HEATR4: variants seen among roughly 807,000 people sequenced by gnomAD.
The protein encoded by HEATR4 is HEAT repeat containing 4, also known as HEAT repeat-containing protein 4.
In HEATR4, 95 loss-of-function variants were observed where a neutral mutation model predicts 108.8. The observed-to-expected ratio is 0.87, with a 90% CI of 0.74 to 1.04. HEATR4 has a LOEUF of 1.04. Ranked by LOEUF, HEATR4 falls within the 50% of genes least tolerant of loss-of-function variation. The probability of loss-of-function intolerance (pLI) is 0.00; values close to 1 mark genes in which losing one functional copy is unlikely to be tolerated. For synonymous variants in HEATR4, 443 were observed against 459.4 expected, an observed-to-expected ratio of 0.96 and a Z score of 0.46; for missense variants, 1,152 against 1,253.8, an observed-to-expected ratio of 0.92 and a Z score of 1.23.
At chr14:73,491,909 C>A in intron 17 of HEATR4, 1 of 1,612,932 alleles carries the variant, frequency 6.2e-7, no homozygotes, top group Non-Finnish European at 8.5e-7. Context: ...CTCCCTGCGT[C>A]TCCTCTGTCC....
chr14:73,626,787 G>GC, the HEATR4 span, among the ~76,000 whole-genome samples: 1 of 115,770 alleles, frequency 8.6e-6, no homozygotes, highest in Non-Finnish European at 1.6e-5. Flanking sequence ...CAGACAAACA[G>GC]CCTTTTTTTT....
the HEATR4 span, among the ~76,000 whole-genome samples, chr14:73,588,159 G>A: frequency 2.0e-4 from 30 of 151,974 alleles, no homozygotes; most frequent in East Asian, 3.3e-3. Flanking sequence ...GTACCACCAC[G>A]CCAGCTAATT....
At chr14:73,491,933 A>G (rs1323060088) in intron 17 of HEATR4, 1 of 1,613,558 alleles carries the variant, frequency 6.2e-7, no homozygotes, top group Admixed American at 1.7e-5. Context: ...GGCTTTCTCT[A>G]CTACTGTGTG....
chr14:73,491,398 G>A (rs534669266), intron 17 of HEATR4: 1 of 1,346,102 alleles, frequency 7.4e-7, no homozygotes, highest in Middle Eastern at 2.7e-4. Flanking sequence ...CCGCTTCCGC[G>A]CCGCCCGCGC....
chr14:73,565,891 G>T, the HEATR4 span, among the ~76,000 whole-genome samples: 2 of 152,184 alleles, frequency 1.3e-5, no homozygotes, highest in East Asian at 3.9e-4. Context: ...TGCCACTGCT[G>T]GCTAGGGCAG....
Position 73,502,994 on chromosome 14 carries a change from A to C in HEATR4, c.2006T>G (p.Ile669Ser). The C allele has an allele frequency of 6.2e-7, 1 of 1,613,696 alleles. No individual in the cohort carries two copies. Among genetic ancestry groups the C allele is most frequent in the Non-Finnish European group, 8.5e-7 (1 of 1,179,764 alleles). Residue 669 changes from isoleucine (I) to serine (S), a missense_variant, in exon 11 of 18, where the codon ATC becomes AGC. Ile to Ser is a moderately radical substitution (Grantham distance 142). Coordinates refer to ENST00000553558, the MANE Select transcript of HEATR4 (RefSeq NM_001220484.1). ...ATTCCAGTCATTCCACATCAGCTGGATCAACTTATGTTTCATATCCTATAA... is the reference window on the plus strand; with the variant it reads ...ATTCCAGTCATTCCACATCAGCTGGCTCAACTTATGTTTCATATCCTATAA... ...NVCLDMKHKL[I>S]QLMWNDWNKE...
chr14:73,522,908 C>A lies in HEATR4; in HGVS notation c.245G>T (p.Gly82Val). 1 of 1,614,204 alleles carries A rather than the reference C, an allele frequency of 6.2e-7. No homozygotes were observed. The highest frequency in any genetic ancestry group is 1.6e-4 in the Middle Eastern group (1 of 6,062). ...CTGGCTATAAGGAATGCTGGGCAGGCCTCGCTGCCACACCACCTCCTGAGA... is the reference window on the plus strand; with the variant it reads ...CTGGCTATAAGGAATGCTGGGCAGGACTCGCTGCCACACCACCTCCTGAGA... ...TFSQEVVWQRGLPSIPYSQYS... is the reference protein window; with the variant it reads ...TFSQEVVWQRVLPSIPYSQYS... The change falls in exon 3 of 18, where the codon GGC becomes GTC. Residue 82 changes from glycine to valine, a missense_variant. Coordinates refer to ENST00000553558, the MANE Select transcript of HEATR4 (RefSeq NM_001220484.1).
intron 17 of HEATR4, among the ~76,000 whole-genome samples, chr14:73,487,458 C>T (rs1885495862): frequency 6.6e-6 from 1 of 151,832 alleles, no homozygotes; most frequent in South Asian, 2.1e-4. Flanking sequence ...CCCAGCTACT[C>T]GGGAGGCTGA....
the HEATR4 span, among the ~76,000 whole-genome samples, chr14:73,586,104 AT>A: frequency 3.3e-5 from 5 of 151,872 alleles, no homozygotes; most frequent in Non-Finnish European, 7.4e-5. Flanking sequence ...TTACTTAAAA[AT>A]TTTTTAGGCT....
the HEATR4 span, chr14:73,612,864 T>C: frequency 7.1e-7 from 1 of 1,405,462 alleles, no homozygotes; most frequent in Non-Finnish European, 9.5e-7. Flanking sequence ...AAGCGCGACG[T>C]GCGGACGCCC....
Position 73,492,589 on chromosome 14 carries a change from C to CTTAGT in HEATR4, c.2844+476_2844+477insACTAA. Reference sequence around the variant, plus strand: ...ATAGGGAGAGGGCACTAAGTGTTTACGGGCTTCCAATTCGCTGGGAGGCTG... The same window carrying CTTAGT: ...ATAGGGAGAGGGCACTAAGTGTTTACTTAGTGGGCTTCCAATTCGCTGGGAGGCTG... On this transcript the variant is annotated intron_variant, in intron 17 of 17. Transcript: ENST00000553558. The surrounding 1 kb of genome is among the most constrained non-coding windows in gnomAD (Gnocchi z 4.9). 1 of 1,613,862 alleles carries CTTAGT rather than the reference C, an allele frequency of 6.2e-7. No homozygotes were observed. The highest frequency in any genetic ancestry group is 1.3e-5 in the African/African-American group (1 of 75,016).
Position 73,514,170 on chromosome 14 carries a change from C to T in HEATR4, c.1275G>A (p.Leu425=). The stretch of plus-strand genomic sequence containing the variant: ...GCACATCCTTCTCACCCACCTGCAG[C>T]AGCATATCCTTGGCGGGGGTGGGCA... ...TALPTPAKDM[L]LQVGEKDVPI... is the part of the protein sequence containing the mutation. Residue 425 remains leucine, a synonymous_variant, in exon 6 of 18, where the codon CTG becomes CTA. Transcript: ENST00000553558. 1.2e-6 allele frequency: 2 copies of T among 1,614,210 alleles called. No homozygotes were observed. Among genetic ancestry groups the T allele is most frequent in the Non-Finnish European group, 1.7e-6 (2 of 1,180,038 alleles).
At chr14:73,604,416 C>T in the HEATR4 span, among the ~76,000 whole-genome samples, 12 of 151,852 alleles carry the variant, frequency 7.9e-5, no homozygotes, top group Non-Finnish European at 1.3e-4. Context: ...CCACCCACCT[C>T]GGCCTCTGAA....
chr14:73,522,558 C>T lies in HEATR4; in HGVS notation c.595G>A (p.Ala199Thr). Residue 199 changes from alanine (A) to threonine (T), a missense_variant, in exon 3 of 18, where the codon GCC (alanine) becomes ACC (threonine). By Grantham distance (58) the Ala-to-Thr change is moderately conservative (BLOSUM62 0). Coordinates refer to ENST00000553558, the MANE Select transcript of HEATR4 (RefSeq NM_001220484.1). Reference sequence around the variant, plus strand: ...AGCACAGTGGCCTCCCACGCTCTGGCCTCCTTCTCAGGAGGCAGAAGCCAG... The same window carrying T: ...AGCACAGTGGCCTCCCACGCTCTGGTCTCCTTCTCAGGAGGCAGAAGCCAG... The part of the protein sequence containing the change: ...EAWLLPPEKE[A>T]RAWEATVLEK... 6.2e-7 allele frequency: 1 copy of T among 1,614,160 alleles called. No homozygotes were observed. Among genetic ancestry groups the T allele is most frequent in the South Asian group, 1.1e-5 (1 of 91,086 alleles).
At chr14:73,570,041 G>C in the HEATR4 span, among the ~76,000 whole-genome samples, 1 of 150,324 alleles carries the variant, frequency 6.7e-6, no homozygotes, top group Non-Finnish European at 1.5e-5. Flanking sequence ...CTATCTTCCC[G>C]CCTCTGCCTC....
chr14:73,620,631 G>A, the HEATR4 span, among the ~76,000 whole-genome samples: 2 of 151,646 alleles, frequency 1.3e-5, no homozygotes, highest in Admixed American at 1.3e-4. Flanking sequence ...GCAATGGTAC[G>A]AGCTCAGCTC....
chr14:73,598,384 C>T, the HEATR4 span, among the ~76,000 whole-genome samples: 394 of 144,776 alleles, frequency 2.7e-3, 2 homozygotes, highest in African/African-American at 9.0e-3. Context: ...AGCAAGACTC[C>T]GTCTCAAAAA....
the HEATR4 span, among the ~76,000 whole-genome samples, chr14:73,573,892 A>G: frequency 1.8e-4 from 27 of 151,972 alleles, no homozygotes; most frequent in African/African-American, 6.5e-4. Context: ...ATGCTTGGCT[A>G]ATTTTTGTAT....
At chr14:73,632,989 TTCTC>T in the HEATR4 span, among the ~76,000 whole-genome samples, 50 of 144,698 alleles carry the variant, frequency 3.5e-4, no homozygotes, top group Middle Eastern at 6.9e-3. Flanking sequence ...TAATTCAGCT[TTCTC>T]TCTCTCTCTC....
Sources: allele counts gnomAD v4.1 joint callset (sites outside exome capture counted in the v4.1 genomes callset), GRCh38; gene constraint gnomAD v4.1.1; non-coding constraint Gnocchi (gnomAD v3.1); transcripts MANE v1.5; gene names NCBI Gene and HGNC (gene_info 2026-07-23, HGNC 2026-07-21).